Variants in ING5 observed in about 807,000 individuals in gnomAD.
ING5 encodes inhibitor of growth family member 5, also known as inhibitor of growth protein 5.
In ING5, 17 loss-of-function variants were observed where a neutral mutation model predicts 37.4. That is an observed-to-expected ratio of 0.45 (90% confidence interval 0.31 to 0.68). ING5 has a LOEUF of 0.68. ING5 is among the 30% of genes least tolerant of loss of function. ING5 has a pLI of 0.05. For synonymous variants in ING5, 123 were observed against 116.6 expected, an observed-to-expected ratio of 1.06 and a Z score of -0.36; for missense variants, 233 against 311.9, an observed-to-expected ratio of 0.75 and a Z score of 1.91.
chr2:241,699,645 C>G (rs2069683448), upstream of ING5, among the ~76,000 whole-genome samples: 1 of 152,038 alleles, frequency 6.6e-6, no homozygotes, highest in Admixed American at 6.6e-5. Context: ...ATTTGTGTGA[C>G]CAGCAACGTT....
In ING5 at chr2:241,728,151, G is replaced by T. The variant is rs545601899; in HGVS notation, c.*3120G>T. 6.6e-6 allele frequency: 1 copy of T among 152,270 alleles called. No homozygotes were observed. The highest frequency in any genetic ancestry group is 1.5e-5 in the Non-Finnish European group (1 of 68,058). The allele number at this position is 152,270 out of a possible 1,614,324, so 9.4% of individuals were successfully genotyped here. A position where few individuals can be genotyped will look rare whatever the true frequency, so the allele number is the denominator to read the frequency against. Reference sequence around the variant, plus strand: ...GCTCTGTGGCTGACGCTGTCTACCCGTGGGAGAGACACACTCAGGAGTGGC... The same window carrying T: ...GCTCTGTGGCTGACGCTGTCTACCCTTGGGAGAGACACACTCAGGAGTGGC... On this transcript the variant is annotated 3_prime_UTR_variant, in exon 8 of 8. Coordinates refer to ENST00000313552, the MANE Select transcript of ING5 (RefSeq NM_032329.6).
chr2:241,717,442 A>G (rs1253195641), intron 5 of ING5, among the ~76,000 whole-genome samples: 3 of 151,916 alleles, frequency 2.0e-5, no homozygotes, highest in African/African-American at 7.3e-5. Context: ...GCTTACGTAT[A>G]TTTCTTTATG....
At chr2:241,720,368 A>G (rs2070400822) in intron 5 of ING5, 1 of 1,186,784 alleles carries the variant, frequency 8.4e-7, no homozygotes, top group Non-Finnish European at 1.0e-6. Flanking sequence ...CGCACGCACC[A>G]TCCTGTCCCT....
chr2:241,688,709 C>T (rs1411755472), intron 1 of ING5, among the ~76,000 whole-genome samples: 3 of 152,164 alleles, frequency 2.0e-5, no homozygotes, highest in African/African-American at 7.2e-5. Context: ...CTGCACCCTC[C>T]ACCTCCCGGG....
At chr2:241,717,624 G>T (rs1348659569) in intron 5 of ING5, among the ~76,000 whole-genome samples, 2 of 149,548 alleles carry the variant, frequency 1.3e-5, no homozygotes, top group Non-Finnish European at 3.0e-5. Flanking sequence ...CGCTAAAGAT[G>T]TTCTCTCATT....
At chr2:241,690,113 CGG>C (rs1450149884) in exon 2 of ING5, 9 of 152,100 alleles carry the variant, frequency 5.9e-5, no homozygotes, top group Admixed American at 4.6e-4. Context: ...TCCCCTGGGA[CGG>C]GGGAGGAGGG....
chr2:241,712,169 A>C (rs1237213690), intron 5 of ING5, 98 bp downstream of exon 5: 1 of 965,236 alleles, frequency 1.0e-6, no homozygotes. Flanking sequence ...AGTGAAGTGC[A>C]CCCCGTGTGC....
intron 3 of ING5, among the ~76,000 whole-genome samples, chr2:241,710,892 C>T (rs966981908): frequency 4.0e-5 from 6 of 151,734 alleles, no homozygotes; most frequent in East Asian, 1.9e-4. Flanking sequence ...GGACTACAGG[C>T]GTGAGCCACC....
At chr2:241,716,668 C>A (rs2070281856) in intron 5 of ING5, among the ~76,000 whole-genome samples, 1 of 152,140 alleles carries the variant, frequency 6.6e-6, no homozygotes, top group Admixed American at 6.6e-5. Context: ...AGATATTACA[C>A]TATTTGATGT....
intron 2 of ING5, among the ~76,000 whole-genome samples, chr2:241,708,333 G>A (rs1314547246): frequency 1.3e-5 from 2 of 151,514 alleles, no homozygotes; most frequent in African/African-American, 2.4e-5. Context: ...TCAGCCTCCC[G>A]AGTAGCTGGG....
chr2:241,693,041 A>T (rs34463217), intron 2 of ING5, among the ~76,000 whole-genome samples: 49,434 of 151,820 alleles, frequency 0.33, 9,051 homozygotes, highest in Middle Eastern at 0.41. Context: ...CGGGCAGATC[A>T]CGAGATCAGG....
At position 241,704,609 on chromosome 2, in the gene ING5, C is replaced by T; in HGVS notation, c.38-44C>T. 2.6e-6 allele frequency: 4 copies of T among 1,516,970 alleles called. No homozygotes were observed. The South Asian group carries it at 3.5e-5, about 13-fold the overall frequency. 94.0% of individuals were successfully genotyped at this position (1,516,970 alleles called of 1,614,324 possible). On this transcript the variant is annotated intron_variant, in intron 1 of 7. Coordinates refer to ENST00000313552, the MANE Select transcript of ING5 (RefSeq NM_032329.6). ...AAAACCTTTGGAGGTGAATTTTTGT[C>T]TTGCTGCTGAGAGGTACATGGCTTC...
upstream of ING5, among the ~76,000 whole-genome samples, chr2:241,698,082 CAAA>C (rs138451940): frequency 8.3e-5 from 7 of 84,592 alleles, no homozygotes; most frequent in Admixed American, 1.2e-4. Flanking sequence ...GGCTCCATCT[CAAA>C]AAAAAAAAAA....
exon 1 of ING5, chr2:241,687,522 T>C (rs1189950130): frequency 2.7e-6 from 1 of 367,976 alleles, no homozygotes; most frequent in East Asian, 3.6e-5. Context: ...TCCGTGTGTG[T>C]GTTTTTGTTG....
intron 2 of ING5, among the ~76,000 whole-genome samples, chr2:241,692,235 C>G (rs1456891327): frequency 1.3e-5 from 2 of 152,108 alleles, no homozygotes; most frequent in Non-Finnish European, 2.9e-5. Flanking sequence ...TTACAGTTAC[C>G]CTTAACTGCT....
chr2:241,707,898 A>C (rs1559303224), intron 2 of ING5, among the ~76,000 whole-genome samples: 1 of 151,650 alleles, frequency 6.6e-6, no homozygotes, highest in Non-Finnish European at 1.5e-5. Flanking sequence ...CTTTAACAGT[A>C]GTTTTCTTTT....
At chr2:241,718,419 C>CTTT (rs1256765166) in intron 5 of ING5, among the ~76,000 whole-genome samples, 6 of 85,822 alleles carry the variant, frequency 7.0e-5, no homozygotes, top group African/African-American at 8.5e-5. Context: ...CTCTTTCTGT[C>CTTT]TTTTTTTTTT....
At chr2:241,701,549 C>T (rs6715151), upstream of ING5, among the ~76,000 whole-genome samples, 3 of 151,962 alleles carry the variant, frequency 2.0e-5, no homozygotes, top group Non-Finnish European at 4.4e-5. Flanking sequence ...CGGCTCAGGC[C>T]GGGCTGAGGC....
chr2:241,700,625 T>G (rs189398001), upstream of ING5, among the ~76,000 whole-genome samples: 50 of 151,886 alleles, frequency 3.3e-4, no homozygotes, highest in African/African-American at 1.1e-3. Context: ...CCGGCTAGTT[T>G]TTGTATTATT....
Sources: allele counts gnomAD v4.1 joint callset (sites outside exome capture counted in the v4.1 genomes callset), GRCh38; gene constraint gnomAD v4.1.1; transcripts MANE v1.5; gene names NCBI Gene and HGNC (gene_info 2026-07-23, HGNC 2026-07-21).